The following NELL1 variants were observed in gnomAD, a reference collection of about 807,000 sequenced individuals.
NELL1 encodes the protein neural EGFL like 1, also known as protein kinase C-binding protein NELL1.
In NELL1, 76 loss-of-function variants were observed where a neutral mutation model predicts 107.4. That is an observed-to-expected ratio of 0.71 (90% confidence interval 0.59 to 0.86). NELL1 has a LOEUF of 0.86. NELL1 is among the 40% of genes least tolerant of loss of function. The pLI is 0.00. For synonymous variants in NELL1, 353 were observed against 341.2 expected (o/e 1.03, Z -0.38); for missense variants, 1,024 against 1,005.5 (o/e 1.02, Z -0.25).
chr11:21,098,814 C>G (rs1318821575), intron 12 of NELL1, among the ~76,000 whole-genome samples: 1 of 152,066 alleles, frequency 6.6e-6, no homozygotes, highest in African/African-American at 2.4e-5. Context: ...CTACCCTTCT[C>G]TCTCTCTCTG....
chr11:20,706,264 A>G (rs1211640949), intron 2 of NELL1, among the ~76,000 whole-genome samples: 1 of 152,126 alleles, frequency 6.6e-6, no homozygotes, highest in African/African-American at 2.4e-5. Flanking sequence ...GTTGGAACCA[A>G]CCCTAATGTT....
intron 13 of NELL1, among the ~76,000 whole-genome samples, chr11:21,203,892 C>A (rs771554257): frequency 4.6e-5 from 7 of 152,094 alleles, no homozygotes; most frequent in Non-Finnish European, 4.4e-5. Flanking sequence ...TGGAGATGAT[C>A]TTCTGGGTTG....
At chr11:21,160,579 C>T (rs1167080704) in intron 13 of NELL1, among the ~76,000 whole-genome samples, 2 of 152,140 alleles carry the variant, frequency 1.3e-5, no homozygotes, top group Non-Finnish European at 2.9e-5. Flanking sequence ...TATTCTACAA[C>T]TGGCGCTTAT....
intron 4 of NELL1, among the ~76,000 whole-genome samples, chr11:20,882,270 A>T (rs1224438988): frequency 1.3e-5 from 2 of 152,142 alleles, no homozygotes; most frequent in Non-Finnish European, 2.9e-5. Context: ...TCATTCATTC[A>T]CTTTTTTCTT....
At chr11:21,234,457 C>G (rs1490036924) in intron 14 of NELL1, among the ~76,000 whole-genome samples, 1 of 152,160 alleles carries the variant, frequency 6.6e-6, no homozygotes, top group Non-Finnish European at 1.5e-5. Flanking sequence ...GACCAGTGCA[C>G]CATGATTGGG....
chr11:21,505,240 A>G (rs1293139413), intron 15 of NELL1, among the ~76,000 whole-genome samples: 1 of 152,210 alleles, frequency 6.6e-6, no homozygotes, highest in Non-Finnish European at 1.5e-5. Flanking sequence ...TTACTTATCT[A>G]TGCAGTAATC....
chr11:21,019,474 C>A (rs2062186596), intron 12 of NELL1, among the ~76,000 whole-genome samples: 2 of 152,048 alleles, frequency 1.3e-5, no homozygotes, highest in South Asian at 4.1e-4. Flanking sequence ...CTCTGCGAGG[C>A]ATTCTTGTCG....
chr11:21,493,621 A>C (rs1489359991), intron 15 of NELL1, among the ~76,000 whole-genome samples: 2 of 152,084 alleles, frequency 1.3e-5, no homozygotes, highest in Non-Finnish European at 1.5e-5. Context: ...AAGCAGATTA[A>C]GAAAGGTTGA....
intron 14 of NELL1, among the ~76,000 whole-genome samples, chr11:21,362,344 C>T (rs532449456): frequency 1.4e-4 from 21 of 152,268 alleles, no homozygotes; most frequent in African/African-American, 4.1e-4. Flanking sequence ...GTGATGTAAT[C>T]GGTCTTCAAA....
At chr11:21,418,542 A>G (rs1218374590) in intron 15 of NELL1, among the ~76,000 whole-genome samples, 1 of 152,134 alleles carries the variant, frequency 6.6e-6, no homozygotes, top group African/African-American at 2.4e-5. Context: ...ATGTGTACTG[A>G]GCACATATTA....
chr11:21,182,810 C>T (rs1856856898), intron 13 of NELL1, among the ~76,000 whole-genome samples: 1 of 151,752 alleles, frequency 6.6e-6, no homozygotes, highest in Non-Finnish European at 1.5e-5. Context: ...ATATTGTTAT[C>T]TGAGGGTGCC....
intron 15 of NELL1, among the ~76,000 whole-genome samples, chr11:21,462,357 C>T (rs985374233): frequency 1.3e-5 from 2 of 152,024 alleles, no homozygotes; most frequent in African/African-American, 4.8e-5. Context: ...TAGCTTAGCC[C>T]AAGTAGCTTT....
At chr11:20,872,002 G>T (rs1429940006) in intron 4 of NELL1, among the ~76,000 whole-genome samples, 1 of 116,530 alleles carries the variant, frequency 8.6e-6, no homozygotes, top group African/African-American at 3.2e-5. Context: ...CTGGGCGACA[G>T]AGAAAGACTC....
chr11:20,757,723 C>T (rs1185564952), intron 2 of NELL1, among the ~76,000 whole-genome samples: 1 of 152,180 alleles, frequency 6.6e-6, no homozygotes, highest in East Asian at 1.9e-4. Flanking sequence ...TGATTGTCTT[C>T]CTTTCTAAAC....
intron 4 of NELL1, among the ~76,000 whole-genome samples, chr11:20,883,517 G>C (rs1463300168): frequency 6.6e-6 from 1 of 152,110 alleles, no homozygotes; most frequent in Non-Finnish European, 1.5e-5. Flanking sequence ...TTAAAATTGA[G>C]CTTAAGGTAA....
rs192394613 is a variant in NELL1 at position 21,182,406 on chromosome 11, G to A, written c.1427-46926G>A. Among the ~76,000 whole-genome samples the A allele has an allele frequency of 2.1e-3, 306 of 149,242 alleles. 10 individuals carry two copies. Among genetic ancestry groups the A allele is most frequent in the African/African-American group, 7.4e-3 (297 of 40,134 alleles). ...ACCGAGATCACGCCACTGCACTGCA[G>A]CCTGGGTGACAGAGTGAGACTCCGT... On this transcript the variant is annotated intron_variant, in intron 13 of 19. Coordinates refer to ENST00000357134, the MANE Select transcript of NELL1 (RefSeq NM_006157.5).
intron 3 of NELL1, among the ~76,000 whole-genome samples, chr11:20,832,285 A>G (rs1351163832): frequency 2.0e-5 from 3 of 152,202 alleles, no homozygotes; most frequent in Non-Finnish European, 4.4e-5. Flanking sequence ...TGGGCTTTTC[A>G]TGCTGGGTTG....
chr11:20,830,496 C>T (rs1857986372), intron 3 of NELL1, among the ~76,000 whole-genome samples: 1 of 151,842 alleles, frequency 6.6e-6, no homozygotes, highest in Admixed American at 6.6e-5. Flanking sequence ...GCCAACACTC[C>T]TGGCTAATTT....
chr11:20,846,199 A>G (rs1052094456), intron 3 of NELL1, among the ~76,000 whole-genome samples: 1 of 152,182 alleles, frequency 6.6e-6, no homozygotes, highest in African/African-American at 2.4e-5. Flanking sequence ...ACTGGTGCAA[A>G]TGAGGTGGGT....
Sources: gnomAD v4.1 joint callset for allele counts (sites outside exome capture counted in the v4.1 genomes callset) on GRCh38, gnomAD v4.1.1 for gene constraint, MANE v1.5 for transcripts, NCBI Gene and HGNC (gene_info 2026-07-23, HGNC 2026-07-21) for gene names.